The following EGFR variants were observed in gnomAD, a reference collection of about 807,000 sequenced individuals.
The protein encoded by EGFR is avian erythroblastic leukemia viral (v-erb-b) oncogene homolog.
A neutral mutation model predicts 143.0 loss-of-function variants in EGFR; 58 were observed. The ratio of observed to expected loss-of-function variants is 0.41; its 90% confidence interval spans 0.33 to 0.50. The LOEUF (loss-of-function observed/expected upper bound fraction) is 0.50. Ranked by LOEUF, EGFR falls within the 20% of genes least tolerant of loss-of-function variation. The pLI is 0.39. For synonymous variants in EGFR, 613 were observed against 594.4 expected (o/e 1.03, Z -0.45); for missense variants, 1,307 against 1,579.0 (o/e 0.83, Z 2.92).
intron 22 of EGFR, 53 bp downstream of exon 22, chr7:55,192,894 T>C: frequency 4.7e-6 from 7 of 1,484,226 alleles, no homozygotes; most frequent in Non-Finnish European, 6.6e-6. Context: ...AGCTGGCTTT[T>C]ATTGTTAGTT....
intron 1 of EGFR, among the ~76,000 whole-genome samples, chr7:55,028,144 C>T (rs1787041467): frequency 6.6e-6 from 1 of 151,760 alleles, no homozygotes; most frequent in Non-Finnish European, 1.5e-5. Context: ...TTTACCACTA[C>T]ATGCTTGCAG....
At chr7:55,085,030 G>A (rs749398609) in intron 1 of EGFR, among the ~76,000 whole-genome samples, 2 of 152,098 alleles carry the variant, frequency 1.3e-5, no homozygotes, top group Non-Finnish European at 2.9e-5. Flanking sequence ...GGAATGGTAC[G>A]CTCAAATGCA....
At chr7:55,129,842 A>C (rs1793734025) in intron 1 of EGFR, among the ~76,000 whole-genome samples, 1 of 152,236 alleles carries the variant, frequency 6.6e-6, no homozygotes, top group Admixed American at 6.5e-5. Context: ...TAGAAAGTAT[A>C]GGATGAAAGG....
chr7:55,098,180 A>C (rs978700279), intron 1 of EGFR, among the ~76,000 whole-genome samples: 1 of 152,244 alleles, frequency 6.6e-6, no homozygotes, highest in Non-Finnish European at 1.5e-5. Context: ...AGACAGGGAA[A>C]AAATGAGGGT....
chr7:55,079,353 A>C (rs746490520), intron 1 of EGFR, among the ~76,000 whole-genome samples: 6 of 152,192 alleles, frequency 3.9e-5, no homozygotes, highest in Non-Finnish European at 7.4e-5. Context: ...GTGCTGCTGA[A>C]GATGCAGGAG....
intron 27 of EGFR, among the ~76,000 whole-genome samples, chr7:55,204,805 C>T (rs1268076816): frequency 1.0e-5 from 1 of 96,902 alleles, no homozygotes; most frequent in Non-Finnish European, 2.7e-5. Flanking sequence ...CACACGTATA[C>T]ACACACCACA....
intron 1 of EGFR, among the ~76,000 whole-genome samples, chr7:55,026,959 C>G (rs1786929875): frequency 6.6e-6 from 1 of 152,172 alleles, no homozygotes; most frequent in East Asian, 1.9e-4. Flanking sequence ...TGGAGATGCA[C>G]ACTCTTGGAC....
chr7:55,189,818 G>T (rs950425305), intron 20 of EGFR, among the ~76,000 whole-genome samples: 4 of 152,080 alleles, frequency 2.6e-5, no homozygotes, highest in Non-Finnish European at 4.4e-5. Flanking sequence ...AGAAATCAAG[G>T]GACAGAGAAG....
intron 1 of EGFR, among the ~76,000 whole-genome samples, chr7:55,091,815 A>G (rs939991797): frequency 4.7e-5 from 7 of 150,486 alleles, no homozygotes; most frequent in Admixed American, 4.0e-4. Flanking sequence ...GGCATCTCGT[A>G]GAGCAACTTA....
intron 1 of EGFR, among the ~76,000 whole-genome samples, chr7:55,055,756 C>G (rs949002369): frequency 2.0e-5 from 3 of 151,392 alleles, no homozygotes; most frequent in African/African-American, 7.3e-5. Context: ...ACACCAGGGT[C>G]GATGCCATCT....
intron 1 of EGFR, among the ~76,000 whole-genome samples, chr7:55,053,525 C>G (rs1298629959): frequency 6.6e-6 from 1 of 152,234 alleles, no homozygotes; most frequent in East Asian, 1.9e-4. Flanking sequence ...GCCATCCCTC[C>G]TTTGCCCATG....
At chr7:55,200,532 C>T (rs2128970279) in intron 24 of EGFR, 119 bp downstream of exon 24, 3 of 1,027,294 alleles carry the variant, frequency 2.9e-6, no homozygotes, top group Non-Finnish European at 4.5e-6. Flanking sequence ...TTATTAAACC[C>T]TCCAGCGCAT....
chr7:55,100,954 C>T (rs551835152), intron 1 of EGFR, among the ~76,000 whole-genome samples: 55 of 152,384 alleles, frequency 3.6e-4, no homozygotes, highest in African/African-American at 1.2e-3. Flanking sequence ...ATACCAGTGT[C>T]GGCGTCCCTG....
At chr7:55,062,756 G>A (rs769775903) in intron 1 of EGFR, among the ~76,000 whole-genome samples, 7 of 152,036 alleles carry the variant, frequency 4.6e-5, no homozygotes, top group East Asian at 1.9e-4. Flanking sequence ...TATCAGAAAC[G>A]GACTTGTGGC....
rs1197273598 is a variant in EGFR at position 55,210,813 on chromosome 7, C to G, written c.*5196C>G. The stretch of plus-strand genomic sequence containing the variant: ...TGGACTAGTAATAAAATATAATATT[C>G]TTGCTGCTTATGCAGCTGACATTGT... On this transcript the variant is annotated 3_prime_UTR_variant, in exon 28 of 28. Transcript: ENST00000275493. 2 of 152,198 alleles carry G rather than the reference C, an allele frequency of 1.3e-5. No homozygotes were observed. The highest frequency in any genetic ancestry group is 2.9e-5 in the Non-Finnish European group (2 of 68,040). 9.4% of individuals were successfully genotyped at this position (152,198 alleles called of 1,614,324 possible).
rs548092170 is a variant in EGFR at position 55,205,751 on chromosome 7, A to G, written c.*134A>G. On this transcript the variant is annotated 3_prime_UTR_variant, in exon 28 of 28. Coordinates refer to ENST00000275493, the MANE Select transcript of EGFR (RefSeq NM_005228.5). ...CACAGACTGGTTTTGCAACGTTTAC[A>G]CCGACTAGCCAGGAAGTACTTCCAC... is the stretch of plus-strand genomic sequence containing the variant. 5.8e-5 allele frequency: 82 copies of G among 1,409,140 alleles called. No individual in the cohort carries two copies. In the South Asian group the frequency reaches 9.6e-4, roughly 16 times the overall value. The allele number at this position is 1,409,140 out of a possible 1,614,324, so 87.3% of individuals were successfully genotyped here.
chr7:55,032,512 C>G (rs1439071478), intron 1 of EGFR, among the ~76,000 whole-genome samples: 1 of 152,188 alleles, frequency 6.6e-6, no homozygotes, highest in East Asian at 1.9e-4. Flanking sequence ...GGCCTGGCAT[C>G]CTGGGGAACT....
chr7:55,028,786 T>C (rs1274279464), intron 1 of EGFR, among the ~76,000 whole-genome samples: 2 of 152,164 alleles, frequency 1.3e-5, no homozygotes, highest in Non-Finnish European at 2.9e-5. Context: ...CAATTATCTG[T>C]TTATAGGTAA....
chr7:55,205,949 GT>G lies in EGFR; in HGVS notation c.*337del. ...ATTTTTATTGATTGGGGATCTTGGA[GT>G]TTTTCATTGTCGCTATTGATTTTTA... On this transcript the variant is annotated 3_prime_UTR_variant, in exon 28 of 28. Transcript: ENST00000275493. 2 of 419,062 alleles carry G rather than the reference GT, an allele frequency of 4.8e-6. No individual in the cohort carries two copies. 26.0% of individuals were successfully genotyped at this position (419,062 alleles called of 1,614,324 possible).
Sources: allele counts gnomAD v4.1 joint callset (sites outside exome capture counted in the v4.1 genomes callset), GRCh38; gene constraint gnomAD v4.1.1; transcripts MANE v1.5; gene names NCBI Gene and HGNC (gene_info 2026-07-23, HGNC 2026-07-21).